UBE2U: variants seen among roughly 807,000 people sequenced by gnomAD.
The protein encoded by UBE2U is ubiquitin conjugating enzyme E2 U.
A neutral mutation model predicts 41.2 loss-of-function variants in UBE2U; 39 were observed. The observed-to-expected ratio is 0.95, with a 90% CI of 0.73 to 1.24. UBE2U has a LOEUF of 1.24. Among genes scored for constraint, UBE2U ranks in the 50% most tolerant of loss-of-function variants. The pLI is 0.00. For synonymous variants in UBE2U, 107 were observed against 117.8 expected (o/e 0.91, Z 0.60); for missense variants, 336 against 363.1 (o/e 0.93, Z 0.61).
At chr1:64,222,938 T>C (rs1348350373) in intron 6 of UBE2U, among the ~76,000 whole-genome samples, 1 of 152,122 alleles carries the variant, frequency 6.6e-6, no homozygotes, top group Non-Finnish European at 1.5e-5. Flanking sequence ...TACAGTATAG[T>C]TGGGGGAATC....
chr1:64,239,045 AAAGAAG>A (rs552575122), intron 7 of UBE2U, among the ~76,000 whole-genome samples: 1,826 of 115,772 alleles, frequency 0.016, 88 homozygotes, highest in African/African-American at 0.029. Flanking sequence ...CCCATCTCAA[AAAGAAG>A]AAGAAGAAGA....
At chr1:64,259,555 C>T (rs1248551705) in intron 8 of UBE2U, among the ~76,000 whole-genome samples, 8 of 152,096 alleles carry the variant, frequency 5.3e-5, no homozygotes, top group Admixed American at 4.6e-4. Context: ...AGCCAGTTTT[C>T]CCAGCACCAT....
chr1:64,252,940 A>G (rs890188597), intron 8 of UBE2U, among the ~76,000 whole-genome samples: 1 of 152,222 alleles, frequency 6.6e-6, no homozygotes, highest in African/African-American at 2.4e-5. Flanking sequence ...AGTAGGCTTC[A>G]GAAGGTGGGT....
chr1:64,241,674 TG>T lies in UBE2U; in HGVS notation c.620del (p.Gly207AspfsTer19). On this transcript the variant is annotated frameshift_variant, in exon 8 of 10. Coordinates refer to ENST00000371077, the MANE Select transcript of UBE2U (RefSeq NM_001366232.2). LOFTEE classifies it high-confidence loss of function. ...TPLLKVPNFIGQYYKWKKMDL... is the reference protein window; with the variant it reads ...TPLLKVPNFIXQYYKWKKMDL... ...CAGTGCTCAAAGTTCCAAATTTCAT[TG>T]GACAGTATTACAAATGGAAGAAAAT... 6.2e-7 allele frequency: 1 copy of T among 1,607,760 alleles called. No homozygotes were observed. The highest frequency in any genetic ancestry group is 1.7e-5 in the Admixed American group (1 of 58,690).
intron 8 of UBE2U, among the ~76,000 whole-genome samples, chr1:64,252,391 C>T (rs895438626): frequency 6.6e-5 from 10 of 152,330 alleles, no homozygotes; most frequent in African/African-American, 9.6e-5. Flanking sequence ...ATCTTCTCTA[C>T]TAAAAAGCAG....
chr1:64,257,358 AC>A (rs1339975150), intron 8 of UBE2U, among the ~76,000 whole-genome samples: 1 of 152,224 alleles, frequency 6.6e-6, no homozygotes, highest in Non-Finnish European at 1.5e-5. Context: ...CATGGAATCA[AC>A]CCAAATGCCC....
At chr1:64,205,957 C>T (rs569896252) in intron 2 of UBE2U, among the ~76,000 whole-genome samples, 1 of 152,072 alleles carries the variant, frequency 6.6e-6, no homozygotes, top group South Asian at 2.1e-4. Context: ...TTTCTTTATG[C>T]CAAATCTTAA....
At chr1:64,211,510 G>A (rs1035041227) in intron 4 of UBE2U, among the ~76,000 whole-genome samples, 1 of 152,094 alleles carries the variant, frequency 6.6e-6, no homozygotes, top group East Asian at 1.9e-4. Flanking sequence ...CACAATCCTG[G>A]CTCACTGCAG....
intron 8 of UBE2U, among the ~76,000 whole-genome samples, chr1:64,250,563 G>C (rs1191901982): frequency 6.6e-6 from 1 of 152,074 alleles, no homozygotes; most frequent in Non-Finnish European, 1.5e-5. Flanking sequence ...CCATTACCGG[G>C]TATATACCCA....
At chr1:64,236,376 G>C (rs1052631354) in intron 7 of UBE2U, among the ~76,000 whole-genome samples, 5 of 152,072 alleles carry the variant, frequency 3.3e-5, no homozygotes, top group African/African-American at 1.2e-4. Context: ...GTATGTATGA[G>C]ATTTAAATTC....
At chr1:64,216,747 T>C (rs1021420327) in intron 5 of UBE2U, among the ~76,000 whole-genome samples, 1 of 152,196 alleles carries the variant, frequency 6.6e-6, no homozygotes, top group Non-Finnish European at 1.5e-5. Context: ...TCCCCAACAT[T>C]TGTTATGTTT....
intron 6 of UBE2U, among the ~76,000 whole-genome samples, chr1:64,225,778 G>C (rs964813683): frequency 3.9e-5 from 6 of 152,194 alleles, no homozygotes; most frequent in Admixed American, 6.5e-5. Flanking sequence ...GGGTTGAACT[G>C]GGTGGGTTCT....
chr1:64,212,412 C>T (rs764910236), intron 4 of UBE2U, among the ~76,000 whole-genome samples: 15 of 152,186 alleles, frequency 9.9e-5, no homozygotes, highest in Non-Finnish European at 2.1e-4. Flanking sequence ...GCTTCACATC[C>T]TGGTTCTGCC....
In UBE2U at chr1:64,206,782, CAA is replaced by C; in HGVS notation, c.168_169del (p.Ile57ThrfsTer40). 6.3e-7 allele frequency: 1 copy of C among 1,597,088 alleles called. No individual in the cohort carries two copies. The highest frequency in any genetic ancestry group is 8.6e-7 in the Non-Finnish European group (1 of 1,168,300). On this transcript the variant is annotated frameshift_variant, in exon 3 of 10. Coordinates refer to ENST00000371077, the MANE Select transcript of UBE2U (RefSeq NM_001366232.2). LOFTEE classifies it high-confidence loss of function. ...ATTATAGGTTTAGTCTTCCAACTGA[CAA>C]TACATTTTACATCGGAGTACAACTA...
intron 6 of UBE2U, among the ~76,000 whole-genome samples, chr1:64,227,744 G>T (rs1322092397): frequency 6.6e-6 from 1 of 152,014 alleles, no homozygotes; most frequent in Non-Finnish European, 1.5e-5. Context: ...AGAGGTTGCT[G>T]CAGTGAGCCA....
chr1:64,239,068 G>GGAAGAA (rs1491296736), intron 7 of UBE2U, among the ~76,000 whole-genome samples: 2 of 64,912 alleles, frequency 3.1e-5, no homozygotes, highest in South Asian at 1.3e-3. Context: ...AAGAAGAAGA[G>GGAAGAA]GAAGAGGAAG....
At chr1:64,207,116 A>G (rs1168430553) in intron 3 of UBE2U, among the ~76,000 whole-genome samples, 1 of 152,128 alleles carries the variant, frequency 6.6e-6, no homozygotes, top group Non-Finnish European at 1.5e-5. Context: ...GGTATTATGC[A>G]TGAAGTTTTG....
rs151231991 is a variant in UBE2U at position 64,248,133 on chromosome 1, TAGG to T, written c.677+6403_677+6405del. On this transcript the variant is annotated intron_variant, in intron 8 of 9. Transcript: ENST00000371077. ...CACAAATACATATGATTTTTTTTCC[TAGG>T]AGAACTCCTTCTTTGGTGTTCTGCT... Among the ~76,000 whole-genome samples, 150 of 152,236 alleles carry T rather than the reference TAGG, an allele frequency of 9.9e-4. 2 individuals are homozygous for T. In the East Asian group the frequency reaches 0.027, roughly 28 times the overall value.
chr1:64,235,260 C>T (rs973889083), intron 7 of UBE2U, among the ~76,000 whole-genome samples: 2 of 152,178 alleles, frequency 1.3e-5, no homozygotes, highest in African/African-American at 4.8e-5. Flanking sequence ...CCATTGTTAT[C>T]TCTAGCCCAG....
Sources: allele counts gnomAD v4.1 joint callset (sites outside exome capture counted in the v4.1 genomes callset), GRCh38; gene constraint gnomAD v4.1.1; transcripts MANE v1.5; gene names NCBI Gene and HGNC (gene_info 2026-07-23, HGNC 2026-07-21).